NRG1: variants seen among roughly 807,000 people sequenced by gnomAD.
NRG1 encodes neuregulin 1.
Under a neutral mutation model 63.8 loss-of-function variants are expected in NRG1, and 18 were observed. The ratio of observed to expected loss-of-function variants is 0.28; its 90% CI spans 0.19 to 0.42. NRG1 has a LOEUF of 0.42. Ranked by LOEUF, NRG1 falls within the 10% of genes least tolerant of loss-of-function variation. NRG1 has a pLI of 1.00. For synonymous variants in NRG1, 302 were observed against 301.3 expected (o/e 1.00, Z -0.02); for missense variants, 762 against 814.7 (o/e 0.94, Z 0.79).
intron 1 of NRG1, among the ~76,000 whole-genome samples, chr8:31,802,399 T>C (rs544638244): frequency 6.6e-6 from 1 of 152,154 alleles, no homozygotes; most frequent in South Asian, 2.1e-4. Context: ...TGTGTTTAAA[T>C]TCCTCGTACA....
chr8:32,634,801 A>G (rs867387865), intron 5 of NRG1, among the ~76,000 whole-genome samples: 2 of 152,190 alleles, frequency 1.3e-5, no homozygotes, highest in Non-Finnish European at 2.9e-5. Flanking sequence ...CTTCTTCCAT[A>G]CTTTGTATCA....
chr8:32,754,972 A>G (rs147273632), intron 8 of NRG1, among the ~76,000 whole-genome samples: 1 of 152,326 alleles, frequency 6.6e-6, no homozygotes, highest in East Asian at 1.9e-4. Flanking sequence ...GAAAATTACG[A>G]GATAAAGGAA....
intron 1 of NRG1, among the ~76,000 whole-genome samples, chr8:32,437,507 G>T (rs1348193693): frequency 6.6e-6 from 1 of 152,164 alleles, no homozygotes; most frequent in Non-Finnish European, 1.5e-5. Context: ...CTAAAGAAAT[G>T]CTTGTTGATG....
At chr8:32,376,995 G>A (rs1299824134) in intron 1 of NRG1, among the ~76,000 whole-genome samples, 1 of 152,226 alleles carries the variant, frequency 6.6e-6, no homozygotes, top group African/African-American at 2.4e-5. Context: ...ATTGACTGAT[G>A]TAATGGACAA....
At chr8:32,468,805 T>C (rs1375540217) in intron 1 of NRG1, among the ~76,000 whole-genome samples, 1 of 151,620 alleles carries the variant, frequency 6.6e-6, no homozygotes, top group Non-Finnish European at 1.5e-5. Flanking sequence ...ACACCATCAA[T>C]ATCTATTTTT....
intron 1 of NRG1, among the ~76,000 whole-genome samples, chr8:31,752,699 G>A (rs1439461503): frequency 6.6e-6 from 1 of 152,044 alleles, no homozygotes; most frequent in Non-Finnish European, 1.5e-5. Flanking sequence ...TTGGGCAATA[G>A]AGAGAATTGC....
chr8:32,036,917 C>T (rs899996293), intron 1 of NRG1, among the ~76,000 whole-genome samples: 3 of 152,182 alleles, frequency 2.0e-5, no homozygotes, highest in Non-Finnish European at 4.4e-5. Flanking sequence ...TACCCATCTT[C>T]TGAAGCCTAC....
chr8:32,411,513 C>T (rs1814944971), intron 1 of NRG1, among the ~76,000 whole-genome samples: 1 of 152,154 alleles, frequency 6.6e-6, no homozygotes, highest in African/African-American at 2.4e-5. Flanking sequence ...GAGGTGCAAG[C>T]TCTAAAATAA....
chr8:31,695,239 G>T (rs1809934484), intron 1 of NRG1, among the ~76,000 whole-genome samples: 1 of 152,128 alleles, frequency 6.6e-6, no homozygotes, highest in Admixed American at 6.5e-5. Flanking sequence ...GTGCGATTTT[G>T]GCTCGCTGCA....
intron 1 of NRG1, among the ~76,000 whole-genome samples, chr8:32,438,173 A>G (rs1292380823): frequency 1.3e-5 from 2 of 152,174 alleles, no homozygotes; most frequent in African/African-American, 4.8e-5. Context: ...TTTTGTAGCT[A>G]CGTCTACTTC....
chr8:32,259,523 A>C (rs1212281520), intron 1 of NRG1, among the ~76,000 whole-genome samples: 4 of 152,152 alleles, frequency 2.6e-5, no homozygotes, highest in Non-Finnish European at 5.9e-5. Context: ...CCATGAGCCA[A>C]ATAACTTCTC....
chr8:32,055,853 C>T (rs953358095), intron 1 of NRG1, among the ~76,000 whole-genome samples: 8 of 152,050 alleles, frequency 5.3e-5, no homozygotes, highest in African/African-American at 1.9e-4. Flanking sequence ...GGCCGTATTC[C>T]CTCAGGATTG....
intron 1 of NRG1, among the ~76,000 whole-genome samples, chr8:32,004,871 G>T (rs114568787): frequency 0.021 from 3,175 of 151,770 alleles, 66 homozygotes; most frequent in Middle Eastern, 0.054. Context: ...TACTTGTCTT[G>T]GGGGCAATAT....
rs1819891092 is a variant in NRG1 at position 32,040,766 on chromosome 8, T to TATATATATATATATATATAC, written c.37+401337_37+401338insATATATATATATATATACAT. Reference sequence around the variant, plus strand: ...ATTTAGGCGCATATATATATATATATATGCGCCTAAATTTCAGCACTAAAT... The same window carrying TATATATATATATATATATAC: ...ATTTAGGCGCATATATATATATATATATATATATATATATATATACATGCGCCTAAATTTCAGCACTAAAT... On this transcript the variant is annotated intron_variant, in intron 1 of 10. Transcript: ENST00000519301. Among the ~76,000 whole-genome samples, 3 of 129,644 alleles carry TATATATATATATATATATAC rather than the reference T, an allele frequency of 2.3e-5. No homozygotes were observed. In the South Asian group the frequency reaches 7.1e-4, roughly 31 times the overall value. 85.1% of individuals were successfully genotyped at this position (129,644 alleles called of 152,430 possible).
chr8:32,138,035 A>G (rs939733104), intron 1 of NRG1, among the ~76,000 whole-genome samples: 15 of 152,094 alleles, frequency 9.9e-5, no homozygotes, highest in Admixed American at 3.3e-4. Flanking sequence ...GGATTTTCAT[A>G]TGGTGGAAGA....
chr8:32,768,998 AT>A (rs952588882), downstream of NRG1, among the ~76,000 whole-genome samples: 1 of 152,192 alleles, frequency 6.6e-6, no homozygotes, highest in Non-Finnish European at 1.5e-5. Flanking sequence ...ATTTTCAAAA[AT>A]GCTTGAAATC....
chr8:32,149,518 TA>T (rs35219715), intron 1 of NRG1, among the ~76,000 whole-genome samples: 67,404 of 152,026 alleles, frequency 0.44, 16,862 homozygotes, highest in Admixed American at 0.57. Context: ...ACAAATCATT[TA>T]ATACAAATTT....
intron 1 of NRG1, among the ~76,000 whole-genome samples, chr8:31,909,770 T>C (rs574258764): frequency 7.9e-5 from 12 of 152,306 alleles, no homozygotes; most frequent in African/African-American, 2.6e-4. Flanking sequence ...GAATGTTTCC[T>C]ATCAAGCGGT....
At chr8:32,763,712 C>A (rs377110352) in intron 11 of NRG1, 36 bp from the exon 12 acceptor site, 227 of 1,514,994 alleles carry the variant, frequency 1.5e-4, no homozygotes, top group Non-Finnish European at 1.9e-4. Context: ...CCTCTTATTG[C>A]ACCACACTTA....
Sources: gnomAD v4.1 joint callset for allele counts (sites outside exome capture counted in the v4.1 genomes callset) on GRCh38, gnomAD v4.1.1 for gene constraint, MANE v1.5 for transcripts, NCBI Gene and HGNC (gene_info 2026-07-23, HGNC 2026-07-21) for gene names.